CA10: variants seen among roughly 807,000 people sequenced by gnomAD.
CA10 encodes carbonic anhydrase 10 (inactive).
CA10 carries 14 observed loss-of-function variants against 44.2 expected under a neutral mutation model. That is an observed-to-expected ratio of 0.32 (90% CI 0.21 to 0.50). CA10 has a LOEUF of 0.50. Ranked by LOEUF, CA10 falls within the 20% of genes least tolerant of loss-of-function variation. The probability of loss-of-function intolerance (pLI) is 0.99; values close to 1 mark genes in which losing one functional copy is unlikely to be tolerated. For synonymous variants in CA10, 159 were observed against 141.6 expected (o/e 1.12, Z -0.87); for missense variants, 350 against 409.7 (o/e 0.85, Z 1.26).
intron 2 of CA10, among the ~76,000 whole-genome samples, chr17:51,969,707 T>G (rs1352804183): frequency 6.6e-6 from 1 of 151,818 alleles, no homozygotes; most frequent in Non-Finnish European, 1.5e-5. Context: ...TGCGAGGGAT[T>G]GTGTTAAGCA....
chr17:52,106,634 G>A (rs769797205), intron 1 of CA10, among the ~76,000 whole-genome samples: 6 of 152,162 alleles, frequency 3.9e-5, no homozygotes, highest in Non-Finnish European at 8.8e-5. Context: ...TTAAGGAACT[G>A]TAACAGGCTA....
chr17:51,886,013 T>C (rs999241521), intron 3 of CA10, among the ~76,000 whole-genome samples: 22 of 152,168 alleles, frequency 1.4e-4, no homozygotes, highest in African/African-American at 5.3e-4. Context: ...GAAAAGGCCT[T>C]AGTCATGGTC....
At chr17:51,851,473 CG>C (rs1978791691) in intron 3 of CA10, among the ~76,000 whole-genome samples, 1 of 152,132 alleles carries the variant, frequency 6.6e-6, no homozygotes, top group Admixed American at 6.5e-5. Context: ...ATGTACCTCA[CG>C]GGTTGTTTTG....
intron 5 of CA10, among the ~76,000 whole-genome samples, chr17:51,651,059 T>A (rs1243677581): frequency 6.6e-6 from 1 of 152,178 alleles, no homozygotes; most frequent in East Asian, 1.9e-4. Context: ...TAAGCAAGTA[T>A]CTCCTTTTAG....
chr17:51,944,875 GATTA>G (rs1205107717), intron 2 of CA10, among the ~76,000 whole-genome samples: 5 of 152,106 alleles, frequency 3.3e-5, no homozygotes, highest in Admixed American at 6.6e-5. Context: ...CTGTTAAACT[GATTA>G]ATTTTCTTAT....
rs138787679 is a variant in CA10 at position 51,840,426 on chromosome 17, A to G, written c.279+90564T>C. On this transcript the variant is annotated intron_variant, in intron 3 of 8. Transcript: ENST00000451037. ...ATTATATTAGGGCATTTCTGTCCCA[A>G]CAATAGATTTTTGTAATGTACTTGA... 2.7e-3 allele frequency among the ~76,000 whole-genome samples: 415 copies of G among 152,124 alleles called. 3 individuals carry two copies. The highest frequency in any genetic ancestry group is 9.5e-3 in the African/African-American group (394 of 41,510).
chr17:52,012,758 T>A (rs537053953), intron 2 of CA10, among the ~76,000 whole-genome samples: 1 of 152,114 alleles, frequency 6.6e-6, no homozygotes, highest in African/African-American at 2.4e-5. Flanking sequence ...ATAATTCTCT[T>A]TGTAAAAGTA....
chr17:51,871,050 CTTTTTTTTTTT>C lies in CA10; in HGVS notation c.279+59929_279+59939del, dbSNP rs56319440. Among the ~76,000 whole-genome samples, 86 of 94,858 alleles carry C rather than the reference CTTTTTTTTTTT, an allele frequency of 9.1e-4. 1 individual carries two copies. The highest frequency in any genetic ancestry group is 1.4e-3 in the Non-Finnish European group (65 of 45,120). The allele number at this position is 94,858 out of a possible 152,430, so 62.2% of individuals were successfully genotyped here. On this transcript the variant is annotated intron_variant, in intron 3 of 8. Coordinates refer to ENST00000451037, the MANE Select transcript of CA10 (RefSeq NM_020178.5). ...CCTTCTTTACTTTCTTCCCACTTTACTTTTTTTTTTTTTTTTTTTTTTTTTTGAGACAGAGT... is the reference window on the plus strand; with the variant it reads ...CCTTCTTTACTTTCTTCCCACTTTACTTTTTTTTTTTTTTTGAGACAGAGT...
chr17:51,922,283 C>A (rs1223246381), intron 3 of CA10, among the ~76,000 whole-genome samples: 1 of 152,216 alleles, frequency 6.6e-6, no homozygotes, highest in Non-Finnish European at 1.5e-5. Context: ...CATTTTGAAT[C>A]AACCAGCACC....
intron 1 of CA10, among the ~76,000 whole-genome samples, chr17:52,112,767 T>A (rs1280576313): frequency 6.6e-6 from 1 of 152,146 alleles, no homozygotes; most frequent in Non-Finnish European, 1.5e-5. Context: ...AGAACAAATA[T>A]CCTTCTCCCC....
chr17:52,065,183 C>T (rs1212511345), intron 2 of CA10, among the ~76,000 whole-genome samples: 7 of 152,294 alleles, frequency 4.6e-5, no homozygotes, highest in Admixed American at 6.5e-5. Context: ...GCACTAGCAA[C>T]GTCCTTCCTT....
intron 1 of CA10, among the ~76,000 whole-genome samples, chr17:52,123,234 T>G (rs1044543431): frequency 6.6e-6 from 1 of 151,916 alleles, no homozygotes; most frequent in Non-Finnish European, 1.5e-5. Flanking sequence ...AAGAGTGACA[T>G]GAAAGAAATG....
chr17:51,649,345 T>G, intron 5 of CA10, 91 bp from the exon 6 acceptor site: 1 of 961,926 alleles, frequency 1.0e-6, no homozygotes, highest in South Asian at 1.4e-5. Context: ...TCATAGTTAC[T>G]GAGTATCTAC....
chr17:51,779,987 G>A (rs80294136), intron 3 of CA10, among the ~76,000 whole-genome samples: 2,022 of 152,274 alleles, frequency 0.013, 59 homozygotes, highest in African/African-American at 0.046. Context: ...TGTGGATGCT[G>A]AGTGAGTAGT....
chr17:51,683,645 T>C (rs1914917205), intron 4 of CA10, among the ~76,000 whole-genome samples: 1 of 152,168 alleles, frequency 6.6e-6, no homozygotes, highest in Non-Finnish European at 1.5e-5. Context: ...GCGTGGATGA[T>C]GTGAAAATAA....
intron 2 of CA10, among the ~76,000 whole-genome samples, chr17:52,038,099 T>C (rs1351382798): frequency 6.6e-6 from 1 of 152,116 alleles, no homozygotes; most frequent in Non-Finnish European, 1.5e-5. Context: ...ATTGAAAGGA[T>C]GGAGGAAACA....
intron 4 of CA10, among the ~76,000 whole-genome samples, chr17:51,654,900 G>T (rs918828003): frequency 6.6e-6 from 1 of 151,004 alleles, no homozygotes; most frequent in Non-Finnish European, 1.5e-5. Context: ...AGTAAAAAAC[G>T]TGATGCCCCC....
intron 3 of CA10, among the ~76,000 whole-genome samples, chr17:51,843,249 T>C (rs1237705695): frequency 6.6e-6 from 1 of 152,190 alleles, no homozygotes; most frequent in Non-Finnish European, 1.5e-5. Context: ...GAAGGAGCCA[T>C]TCTCTAAAGA....
chr17:51,892,332 A>G (rs1980893864), intron 3 of CA10, among the ~76,000 whole-genome samples: 1 of 152,230 alleles, frequency 6.6e-6, no homozygotes, highest in Non-Finnish European at 1.5e-5. Flanking sequence ...ATAAACAACA[A>G]TGCTAGGAAG....
Sources: gnomAD v4.1 joint callset for allele counts (sites outside exome capture counted in the v4.1 genomes callset) on GRCh38, gnomAD v4.1.1 for gene constraint, MANE v1.5 for transcripts, NCBI Gene and HGNC (gene_info 2026-07-23, HGNC 2026-07-21) for gene names.